The following ROBO2 variants were observed in gnomAD, a reference collection of about 807,000 sequenced individuals.
ROBO2 encodes the protein roundabout guidance receptor 2, also known as roundabout homolog 2.
ROBO2 carries 53 observed loss-of-function variants against 160.8 expected under a neutral mutation model. The observed-to-expected ratio is 0.33, with a 90% CI of 0.26 to 0.41. The LOEUF (loss-of-function observed/expected upper bound fraction) is 0.41, where lower values mean the gene tolerates loss of function less well. Ranked by LOEUF, ROBO2 falls within the 10% of genes least tolerant of loss-of-function variation. The pLI is 1.00. For missense variants in ROBO2, 1,577 were observed against 1,722.4 expected (o/e 0.92, Z 1.49); for synonymous variants, 664 against 611.7 (o/e 1.09, Z -1.26).
At chr3:77,583,093 G>A (rs2093959721) in intron 16 of ROBO2, among the ~76,000 whole-genome samples, 2 of 137,870 alleles carry the variant, frequency 1.5e-5, no homozygotes, top group Non-Finnish European at 3.0e-5. Context: ...AGTGAGCTGA[G>A]ATCGTGCCAC....
chr3:76,742,748 T>A (rs1194902720), intron 2 of ROBO2, among the ~76,000 whole-genome samples: 2 of 152,008 alleles, frequency 1.3e-5, no homozygotes, highest in Non-Finnish European at 2.9e-5. Context: ...TTATTTGCTT[T>A]GGTTCACAAA....
chr3:76,802,568 A>G (rs944526079), intron 2 of ROBO2, among the ~76,000 whole-genome samples: 9 of 152,156 alleles, frequency 5.9e-5, no homozygotes, highest in African/African-American at 2.2e-4. Context: ...CTCTACTAAA[A>G]ATACAGAAAA....
chr3:77,277,495 A>T (rs1050518914), intron 2 of ROBO2, among the ~76,000 whole-genome samples: 2 of 151,812 alleles, frequency 1.3e-5, no homozygotes, highest in African/African-American at 4.8e-5. Context: ...TTGTTTCCCC[A>T]CTATGTGTCC....
intron 2 of ROBO2, among the ~76,000 whole-genome samples, chr3:76,148,968 ATC>A (rs747742810): frequency 3.3e-5 from 5 of 152,214 alleles, no homozygotes; most frequent in South Asian, 4.1e-4. Flanking sequence ...ATCCATATTT[ATC>A]TCTCTCAGTC....
At chr3:76,706,434 G>A (rs1323053528) in intron 2 of ROBO2, among the ~76,000 whole-genome samples, 3 of 151,984 alleles carry the variant, frequency 2.0e-5, no homozygotes, top group African/African-American at 4.8e-5. Context: ...TGACTTTTGA[G>A]GTTGGAAAGG....
intron 2 of ROBO2, among the ~76,000 whole-genome samples, chr3:76,428,630 GT>G (rs770979407): frequency 4.6e-5 from 7 of 151,778 alleles, no homozygotes; most frequent in South Asian, 2.1e-4. Context: ...AAAAAAGTGA[GT>G]TTTTTTTCTG....
At chr3:76,613,584 T>G (rs368685887) in intron 2 of ROBO2, among the ~76,000 whole-genome samples, 1 of 151,916 alleles carries the variant, frequency 6.6e-6, no homozygotes. Flanking sequence ...TCTCCCTAAG[T>G]GCAGAGAGAA....
At chr3:77,084,632 T>C (rs2069075406) in intron 1 of ROBO2, among the ~76,000 whole-genome samples, 1 of 151,998 alleles carries the variant, frequency 6.6e-6, no homozygotes, top group South Asian at 2.1e-4. Context: ...GGTAATAACC[T>C]GGGGAAACCT....
At chr3:76,335,545 T>G (rs2108086479) in intron 2 of ROBO2, among the ~76,000 whole-genome samples, 1 of 151,814 alleles carries the variant, frequency 6.6e-6, no homozygotes, top group African/African-American at 2.4e-5. Context: ...TCATTTTAAT[T>G]ATAAAAAATA....
At chr3:77,583,738 T>G (rs187388926) in intron 16 of ROBO2, among the ~76,000 whole-genome samples, 1 of 152,238 alleles carries the variant, frequency 6.6e-6, no homozygotes, top group East Asian at 1.9e-4. Flanking sequence ...GCCTAGTAAT[T>G]TTTTACTATA....
chr3:77,023,086 C>T (rs1283486936), intron 2 of ROBO2, among the ~76,000 whole-genome samples: 1 of 152,140 alleles, frequency 6.6e-6, no homozygotes. Context: ...AAATGTGTCT[C>T]CCAGAATTCC....
intron 2 of ROBO2, among the ~76,000 whole-genome samples, chr3:76,009,704 T>C (rs2066139156): frequency 6.6e-6 from 1 of 152,252 alleles, no homozygotes; most frequent in African/African-American, 2.4e-5. Context: ...ATATATAGTT[T>C]TAGTTTAATG....
chr3:76,610,617 C>T (rs1560231252), intron 2 of ROBO2, among the ~76,000 whole-genome samples: 1 of 152,206 alleles, frequency 6.6e-6, no homozygotes, highest in Non-Finnish European at 1.5e-5. Context: ...TGTCACAGCT[C>T]TCCTTCTCCT....
chr3:76,815,305 T>A (rs548256245), intron 2 of ROBO2, among the ~76,000 whole-genome samples: 6 of 152,026 alleles, frequency 3.9e-5, no homozygotes, highest in Non-Finnish European at 4.4e-5. Context: ...TCATCACATC[T>A]CTGTGGAATT....
intron 2 of ROBO2, among the ~76,000 whole-genome samples, chr3:76,925,291 A>C (rs2149018420): frequency 6.6e-6 from 1 of 152,230 alleles, no homozygotes; most frequent in Middle Eastern, 3.4e-3. Context: ...TAAATAAATA[A>C]ATGAAGATCT....
chr3:77,614,508 G>A lies in ROBO2; in HGVS notation c.3294-3005G>A, dbSNP rs113256230. 2.2e-3 allele frequency among the ~76,000 whole-genome samples: 341 copies of A among 152,186 alleles called. 2 individuals carry two copies. The highest frequency in any genetic ancestry group is 7.8e-3 in the African/African-American group (325 of 41,524). ...GTCTAATATTATAGTAGATATTTAG[G>A]AGGAAATATTCCTATCAAACCATAC... is the stretch of plus-strand genomic sequence containing the variant. On this transcript the variant is annotated intron_variant, in intron 21 of 25. Transcript: ENST00000461745.
intron 2 of ROBO2, among the ~76,000 whole-genome samples, chr3:77,106,421 T>C (rs2150139453): frequency 9.6e-6 from 1 of 104,392 alleles, no homozygotes; most frequent in South Asian, 2.7e-4. Context: ...TGTAGGTAGG[T>C]TGACATTAGC....
At chr3:76,294,136 A>G (rs2107713477) in intron 2 of ROBO2, among the ~76,000 whole-genome samples, 1 of 152,214 alleles carries the variant, frequency 6.6e-6, no homozygotes, top group Non-Finnish European at 1.5e-5. Flanking sequence ...CCAAAATCAG[A>G]GTGGGTGCCG....
intron 2 of ROBO2, among the ~76,000 whole-genome samples, chr3:76,130,947 A>C (rs750103168): frequency 6.6e-6 from 1 of 152,162 alleles, no homozygotes; most frequent in Non-Finnish European, 1.5e-5. Flanking sequence ...CATTGCCCCC[A>C]GCACATTCAG....
Sources: gnomAD v4.1 joint callset for allele counts (sites outside exome capture counted in the v4.1 genomes callset) on GRCh38, gnomAD v4.1.1 for gene constraint, MANE v1.5 for transcripts, NCBI Gene and HGNC (gene_info 2026-07-23, HGNC 2026-07-21) for gene names.